The following CEP63 variants were observed in gnomAD, a reference collection of about 807,000 sequenced individuals.
The protein encoded by CEP63 is centrosomal protein of 63 kDa.
A neutral mutation model predicts 89.1 loss-of-function variants in CEP63; 84 were observed. The observed-to-expected ratio is 0.94, with a 90% confidence interval of 0.79 to 1.13. The LOEUF (loss-of-function observed/expected upper bound fraction) is 1.13, where lower values mean the gene tolerates loss of function less well. Ranked by LOEUF, CEP63 falls within the 50% of genes most tolerant of loss-of-function variation. The pLI, the probability that CEP63 is intolerant of heterozygous loss-of-function variation, is 0.00. For missense variants in CEP63, 838 were observed against 813.3 expected (o/e 1.03, Z -0.37); for synonymous variants, 267 against 272.5 (o/e 0.98, Z 0.20).
At chr3:134,712,327 G>A in the CEP63 span, among the ~76,000 whole-genome samples, 25 of 151,976 alleles carry the variant, frequency 1.6e-4, no homozygotes, top group South Asian at 2.1e-4. Flanking sequence ...TGGAACTCCC[G>A]TTGTCAGATT....
the CEP63 span, among the ~76,000 whole-genome samples, chr3:134,764,316 G>A: frequency 6.6e-6 from 1 of 152,124 alleles, no homozygotes; most frequent in East Asian, 1.9e-4. Context: ...CAGCCCCAGG[G>A]TCCTTTTATC....
chr3:134,608,868 C>T, the CEP63 span: 5 of 1,583,314 alleles, frequency 3.2e-6, no homozygotes, highest in Middle Eastern at 1.8e-4. Flanking sequence ...GGTTAGCAGC[C>T]AGCTCCATGC....
the CEP63 span, among the ~76,000 whole-genome samples, chr3:134,728,769 A>G: frequency 1.3e-5 from 2 of 152,378 alleles, no homozygotes; most frequent in East Asian, 3.9e-4. Context: ...TAAAATATAA[A>G]GATTGATAAG....
the CEP63 span, among the ~76,000 whole-genome samples, chr3:134,761,256 A>G: frequency 3.9e-5 from 6 of 152,190 alleles, no homozygotes; most frequent in Non-Finnish European, 7.3e-5. Context: ...TTCTCCCAAC[A>G]TGGTCCCCTA....
the CEP63 span, among the ~76,000 whole-genome samples, chr3:134,626,086 T>G: frequency 0.33 from 50,681 of 152,144 alleles, 8,828 homozygotes; most frequent in African/African-American, 0.39. Context: ...GAGCCTTTCT[T>G]AACCAAGGGT....
At chr3:134,604,239 G>T in the CEP63 span, 82 of 1,613,610 alleles carry the variant, frequency 5.1e-5, no homozygotes, top group Non-Finnish European at 8.5e-6. Flanking sequence ...CAGGCAGCTG[G>T]ACACCCATGT....
the CEP63 span, among the ~76,000 whole-genome samples, chr3:134,686,388 C>T: frequency 7.0e-3 from 1,073 of 152,218 alleles, 9 homozygotes; most frequent in African/African-American, 0.023. Context: ...TTTTCTGGGC[C>T]GGGAGGGGCT....
chr3:134,508,918 A>G (rs1206878529), intron 3 of CEP63, among the ~76,000 whole-genome samples: 1 of 150,984 alleles, frequency 6.6e-6, no homozygotes, highest in African/African-American at 2.4e-5. Context: ...ATGGGAATCT[A>G]TTCCATAGAA....
At chr3:134,580,720 G>T (rs760062181) in intron 10 of CEP63, among the ~76,000 whole-genome samples, 1 of 152,132 alleles carries the variant, frequency 6.6e-6, no homozygotes, top group Non-Finnish European at 1.5e-5. Context: ...ACAATATGGG[G>T]TTTATCTCAT....
chr3:134,628,113 C>T, the CEP63 span: 1 of 405,426 alleles, frequency 2.5e-6, no homozygotes, highest in Admixed American at 3.9e-5. Context: ...TTCATTGGGT[C>T]CTCCTGGAAC....
At chr3:134,730,658 C>A in the CEP63 span, among the ~76,000 whole-genome samples, 1 of 151,906 alleles carries the variant, frequency 6.6e-6, no homozygotes, top group African/African-American at 2.4e-5. Flanking sequence ...AAATCAGTTT[C>A]TTTAAAAAAA....
the CEP63 span, among the ~76,000 whole-genome samples, chr3:134,761,320 C>G: frequency 6.6e-6 from 1 of 152,170 alleles, no homozygotes; most frequent in Non-Finnish European, 1.5e-5. Context: ...AAAATGAAGG[C>G]GCCTGAGAGA....
chr3:134,607,054 G>A, the CEP63 span: 724 of 985,162 alleles, frequency 7.3e-4, no homozygotes, highest in Middle Eastern at 9.4e-3. Context: ...AAGGAATCTG[G>A]TGTTTATATT....
the CEP63 span, among the ~76,000 whole-genome samples, chr3:134,606,317 C>T: frequency 6.6e-6 from 1 of 152,172 alleles, no homozygotes; most frequent in Admixed American, 6.5e-5. Context: ...GCAGAGCCCT[C>T]AAGCTGGAGA....
At chr3:134,486,612 TTC>T in intron 1 of CEP63, 1 of 584,602 alleles carries the variant, frequency 1.7e-6, no homozygotes, top group Non-Finnish European at 2.2e-6. Flanking sequence ...CACCTTCCTT[TTC>T]AGCGGAGAGA....
chr3:134,666,032 G>A, the CEP63 span, among the ~76,000 whole-genome samples: 3 of 152,050 alleles, frequency 2.0e-5, no homozygotes, highest in African/African-American at 7.2e-5. Context: ...CAGAGAGAGT[G>A]AGACAGGGAG....
At chr3:134,606,359 C>A in the CEP63 span, among the ~76,000 whole-genome samples, 2 of 152,164 alleles carry the variant, frequency 1.3e-5, no homozygotes, top group African/African-American at 2.4e-5. Flanking sequence ...TCCTGCCTCG[C>A]CAGTATCAAG....
intron 3 of CEP63, among the ~76,000 whole-genome samples, chr3:134,516,333 CT>C (rs1421207953): frequency 6.6e-6 from 1 of 152,224 alleles, no homozygotes; most frequent in Non-Finnish European, 1.5e-5. Context: ...TGGTTTTCCC[CT>C]ATCTCAGTTG....
chr3:134,504,332 C>T (rs970208875), intron 2 of CEP63, among the ~76,000 whole-genome samples: 5 of 152,114 alleles, frequency 3.3e-5, no homozygotes, highest in Non-Finnish European at 7.4e-5. Context: ...ATTTCTCCTT[C>T]ATTTTTGAAG....
Sources: allele counts gnomAD v4.1 joint callset (sites outside exome capture counted in the v4.1 genomes callset), GRCh38; gene constraint gnomAD v4.1.1; transcripts MANE v1.5; gene names NCBI Gene and HGNC (gene_info 2026-07-23, HGNC 2026-07-21).